DRP2: variants seen among roughly 807,000 people sequenced by gnomAD.
The protein encoded by DRP2 is dystrophin related protein 2, also known as dystrophin-related protein 2.
In DRP2, 29 loss-of-function variants were observed where a neutral mutation model predicts 78.2. That is an observed-to-expected ratio of 0.37 (90% CI 0.28 to 0.51). DRP2 has a LOEUF of 0.51. DRP2 is among the 20% of genes least tolerant of loss of function. The pLI is 0.94. For synonymous variants in DRP2, 290 were observed against 281.9 expected, an observed-to-expected ratio of 1.03 and a Z score of -0.29; for missense variants, 686 against 770.6, an observed-to-expected ratio of 0.89 and a Z score of 1.30.
chrX:101,243,633 C>T (rs1922819392), intron 9 of DRP2, among the ~76,000 whole-genome samples: 1 of 112,021 alleles, frequency 8.9e-6, no homozygotes, highest in Non-Finnish European at 1.9e-5. Context: ...GGGCCAGATA[C>T]TGCTCTAGGC....
intron 1 of DRP2, among the ~76,000 whole-genome samples, chrX:101,224,181 GGTTTTTTTTGTTTTTTTTTTT>G (rs1291751860): frequency 4.2e-5 from 2 of 47,658 alleles, no homozygotes; most frequent in African/African-American, 2.4e-4. Flanking sequence ...ATGTTTGCTG[GGTTTTTTTTGTTTTTTTTTTT>G]TTTTTTTTTT....
In DRP2 at chrX:101,258,381, C is replaced by T. The variant is rs1047599457; in HGVS notation, c.2463C>T (p.Asp821=). The T allele has an allele frequency of 1.2e-5, 15 of 1,203,722 alleles. No individual in the cohort carries two copies. Among genetic ancestry groups the T allele is most frequent in the East Asian group, 1.2e-4 (4 of 33,557 alleles). ...CAGCTGAGGCACCCAGTCTGGCTGA[C>T]GGCTCCACTGAGGCAGCAACAGACC... ...EEAAEAPSLA[D]GSTEAATDHR... The change falls in exon 22 of 24, where the codon GAC becomes GAT. Residue 821 remains aspartate (D), a synonymous_variant. Coordinates refer to ENST00000395209, the MANE Select transcript of DRP2 (RefSeq NM_001939.3).
At chrX:101,254,650 G>A in intron 18 of DRP2, 89 bp downstream of exon 18, 4 of 1,165,055 alleles carry the variant, frequency 3.4e-6, no homozygotes, top group Non-Finnish European at 3.5e-6. Context: ...AGTGGGCTAG[G>A]AGAATGTTCC....
chrX:101,253,506 TTTTTTTAGAA>T (rs1466304136), intron 17 of DRP2, among the ~76,000 whole-genome samples: 1 of 108,056 alleles, frequency 9.3e-6, no homozygotes, highest in Non-Finnish European at 1.9e-5. Flanking sequence ...TTTTCTTTTT[TTTTTTTAGAA>T]TTTTTTTTTA....
intron 2 of DRP2, among the ~76,000 whole-genome samples, chrX:101,228,121 G>C (rs1414115183): frequency 8.9e-6 from 1 of 112,275 alleles, no homozygotes; most frequent in Non-Finnish European, 1.9e-5. Context: ...TACATTGCTA[G>C]TAGTAGTGTA....
In DRP2 at chrX:101,254,458, A is replaced by G; in HGVS notation, c.2011A>G (p.Thr671Ala). The change falls in exon 18 of 24, where the codon ACA becomes GCA. Residue 671 changes from threonine (T) to alanine (A), a missense_variant. Around this residue, in one of 2 missense-constraint regions of DRP2, gnomAD observed 423 missense variants for 531.5 expected, o/e 0.80. Coordinates refer to ENST00000395209, the MANE Select transcript of DRP2 (RefSeq NM_001939.3). ...TSSENMRDFA[T>A]TLKNKFRSKH... ...CAGTGAGAACATGAGGGACTTTGCCACAACCTTAAAGAACAAATTCCGCTC... is the reference window on the plus strand; with the variant it reads ...CAGTGAGAACATGAGGGACTTTGCCGCAACCTTAAAGAACAAATTCCGCTC... 8.3e-7 allele frequency: 1 copy of G among 1,211,786 alleles called. No homozygotes were observed. Among genetic ancestry groups the G allele is most frequent in the Non-Finnish European group, 1.1e-6 (1 of 895,516 alleles).
chrX:101,242,490 G>A lies in DRP2; in HGVS notation c.975+19G>A. ...ACTACAGGTAGAAGAGCAGCCTGGA[G>A]TGAACCATGGGGAGGTGCCTCCATA... On this transcript the variant is annotated intron_variant, in intron 8 of 23. Coordinates refer to ENST00000395209, the MANE Select transcript of DRP2 (RefSeq NM_001939.3). 8.3e-7 allele frequency: 1 copy of A among 1,199,861 alleles called. No homozygotes were observed. Among genetic ancestry groups the A allele is most frequent in the Non-Finnish European group, 1.1e-6 (1 of 890,315 alleles).
Position 101,263,637 on chromosome X carries a change from G to A in DRP2, c.*3016G>A, listed in dbSNP as rs1923640361. 8.9e-6 allele frequency: 1 copy of A among 112,041 alleles called. No homozygotes were observed. Among genetic ancestry groups the A allele is most frequent in the Admixed American group, 9.4e-5 (1 of 10,587 alleles). The allele number at this position is 112,041 out of a possible 1,213,427, so 9.2% of individuals were successfully genotyped here. A position where few individuals can be genotyped will look rare whatever the true frequency, so the allele number is the denominator to read the frequency against. On this transcript the variant is annotated 3_prime_UTR_variant, in exon 24 of 24. Transcript: ENST00000395209. ...GGCTGTGCTATGCTTCCCTAGGGAG[G>A]ACATGTGCCCTTCCCTCCAGATTAG...
At chrX:101,248,917 C>A (rs1200380564) in intron 14 of DRP2, among the ~76,000 whole-genome samples, 2 of 112,296 alleles carry the variant, frequency 1.8e-5, no homozygotes, top group Non-Finnish European at 3.8e-5. Flanking sequence ...TTGCATTCCC[C>A]TGTGGCCTAT....
In DRP2 at chrX:101,264,168, A is replaced by G. The variant is rs372084103; in HGVS notation, c.*3547A>G. On this transcript the variant is annotated 3_prime_UTR_variant, in exon 24 of 24. Transcript: ENST00000395209. Reference sequence around the variant, plus strand: ...AACACCAATGGCTGTGGGAGAAGGAAAGGCTCAAGGCCAGGGCTCAGCTCG... The same window carrying G: ...AACACCAATGGCTGTGGGAGAAGGAGAGGCTCAAGGCCAGGGCTCAGCTCG... The G allele has an allele frequency of 8.9e-6, 1 of 112,262 alleles. No individual in the cohort carries two copies. Among genetic ancestry groups the G allele is most frequent in the African/African-American group, 3.2e-5 (1 of 30,916 alleles). The allele number at this position is 112,262 out of a possible 1,213,427, so 9.3% of individuals were successfully genotyped here. A position where few individuals can be genotyped will look rare whatever the true frequency, so the allele number is the denominator to read the frequency against.
chrX:101,226,907 G>A (rs974148242), intron 2 of DRP2, among the ~76,000 whole-genome samples: 1 of 111,733 alleles, frequency 8.9e-6, no homozygotes, highest in Non-Finnish European at 1.9e-5. Context: ...ATAAGAAAAG[G>A]AATTTATTTC....
intron 9 of DRP2, among the ~76,000 whole-genome samples, chrX:101,244,579 C>A (rs908331151): frequency 9.0e-6 from 1 of 111,617 alleles, no homozygotes; most frequent in African/African-American, 3.3e-5. Flanking sequence ...TACCATTACC[C>A]ACAGTCCCAC....
intron 1 of DRP2, among the ~76,000 whole-genome samples, chrX:101,222,282 C>CT (rs761537837): frequency 1.8e-3 from 195 of 110,899 alleles, no homozygotes; most frequent in African/African-American, 6.1e-3. Context: ...CTTTTTGCCT[C>CT]TTGCAGATAC....
rs1923652798 is a variant in DRP2, at chrX:101,263,895, C to T, written c.*3274C>T. ...CTGATGTGTGTGCTTGAGATTTGGGCTCTATATCCAGCATTTGAACTCACA... is the reference window on the plus strand; with the variant it reads ...CTGATGTGTGTGCTTGAGATTTGGGTTCTATATCCAGCATTTGAACTCACA... On this transcript the variant is annotated 3_prime_UTR_variant, in exon 24 of 24. Coordinates refer to ENST00000395209, the MANE Select transcript of DRP2 (RefSeq NM_001939.3). 1 of 111,575 alleles carries T rather than the reference C, an allele frequency of 9.0e-6. No individual in the cohort carries two copies. The highest frequency in any genetic ancestry group is 3.9e-4 in the South Asian group (1 of 2,584). The allele number at this position is 111,575 out of a possible 1,213,427, so 9.2% of individuals were successfully genotyped here.
intron 12 of DRP2, among the ~76,000 whole-genome samples, 157 bp downstream of exon 12, chrX:101,247,321 C>T (rs1279761336): frequency 9.0e-6 from 1 of 111,504 alleles, no homozygotes; most frequent in East Asian, 2.8e-4. Flanking sequence ...TCAACTTCTG[C>T]TCTTCCCAGT....
intron 3 of DRP2, among the ~76,000 whole-genome samples, chrX:101,232,895 G>T (rs1465853194): frequency 8.9e-6 from 1 of 112,142 alleles, no homozygotes; most frequent in African/African-American, 3.2e-5. Context: ...GCTTCATTTT[G>T]TGATTGCCAA....
intron 2 of DRP2, among the ~76,000 whole-genome samples, chrX:101,227,689 A>G (rs768663607): frequency 7.0e-4 from 79 of 112,351 alleles, no homozygotes; most frequent in Non-Finnish European, 1.2e-3. Context: ...AGGCCTAGAG[A>G]GGCAATATGA....
chrX:101,223,626 C>T (rs929824225), intron 1 of DRP2, among the ~76,000 whole-genome samples: 1 of 112,420 alleles, frequency 8.9e-6, no homozygotes, highest in Non-Finnish European at 1.9e-5. Context: ...TACTAACTTA[C>T]ACTCCCACCA....
rs377331434 is a variant in DRP2, at chrX:101,235,814, G to T, written c.118-46G>T. The T allele has an allele frequency of 1.9e-5, 22 of 1,170,209 alleles. No individual in the cohort carries two copies. In the African/African-American group the frequency reaches 3.4e-4, roughly 18 times the overall value. On this transcript the variant is annotated intron_variant, in intron 3 of 23. Transcript: ENST00000395209. ...CACCCTTGGCTTGGTGCAGACCAGG[G>T]TGTGGCACAATCCAAGGATCACAGG...
Sources: allele counts gnomAD v4.1 joint callset (sites outside exome capture counted in the v4.1 genomes callset), GRCh38; gene constraint gnomAD v4.1.1; regional missense constraint gnomAD v4.1.1; transcripts MANE v1.5; gene names NCBI Gene and HGNC (gene_info 2026-07-23, HGNC 2026-07-21).